Variants in FGGY observed in about 807,000 individuals in gnomAD.
The protein encoded by FGGY is FGGY carbohydrate kinase domain-containing protein.
FGGY carries 72 observed loss-of-function variants against 71.3 expected under a neutral mutation model. The ratio of observed to expected loss-of-function variants is 1.01; its 90% CI spans 0.84 to 1.23. The LOEUF (loss-of-function observed/expected upper bound fraction) is 1.23, where lower values mean the gene tolerates loss of function less well. Ranked by LOEUF, FGGY falls within the 50% of genes most tolerant of loss-of-function variation. The pLI, the probability that FGGY is intolerant of heterozygous loss-of-function variation, is 0.00. For missense variants in FGGY, 668 were observed against 682.3 expected (o/e 0.98, Z 0.23); for synonymous variants, 251 against 250.3 (o/e 1.00, Z -0.02).
At chr1:59,323,811 A>G (rs1242432219) in intron 2 of FGGY, among the ~76,000 whole-genome samples, 1 of 152,226 alleles carries the variant, frequency 6.6e-6, no homozygotes, top group Non-Finnish European at 1.5e-5. Context: ...AGAAATGTGT[A>G]TGGGTTGTTT....
At chr1:59,411,891 C>G (rs2063659286) in intron 5 of FGGY, among the ~76,000 whole-genome samples, 1 of 152,174 alleles carries the variant, frequency 6.6e-6, no homozygotes, top group Non-Finnish European at 1.5e-5. Context: ...TGCTCCAACC[C>G]TGAGAGAAGC....
At chr1:59,340,144 GA>G in intron 3 of FGGY, 75 bp downstream of exon 3, 1 of 947,066 alleles carries the variant, frequency 1.1e-6, no homozygotes, top group Non-Finnish European at 1.6e-6. Context: ...GGTGGAACAG[GA>G]GGGCAGGCGT....
chr1:59,459,161 C>A (rs1425084074), intron 6 of FGGY, among the ~76,000 whole-genome samples: 1 of 152,134 alleles, frequency 6.6e-6, no homozygotes, highest in Non-Finnish European at 1.5e-5. Flanking sequence ...AATGCTTTCC[C>A]TGAAAACTGA....
chr1:59,723,566 G>GT (rs2097914963), intron 14 of FGGY, among the ~76,000 whole-genome samples: 1 of 149,536 alleles, frequency 6.7e-6, no homozygotes, highest in Non-Finnish European at 1.5e-5. Context: ...TTTTTTTTGG[G>GT]GGGGGGTGGT....
Position 59,384,040 on chromosome 1 carries a change from G to A in FGGY, c.554+5203G>A, listed in dbSNP as rs555242232. ...GGGTTCACAAAGTGGAGGGCGTCTT[G>A]TTAACTTATCAGAACATGCTTGGGG... is the stretch of plus-strand genomic sequence containing the variant. On this transcript the variant is annotated intron_variant, in intron 5 of 15. Transcript: ENST00000303721. Among the ~76,000 whole-genome samples the A allele has an allele frequency of 9.2e-5, 14 of 152,258 alleles. No homozygotes were observed. The South Asian group carries it at 2.9e-3, about 32-fold the overall frequency.
chr1:59,378,962 C>A, intron 5 of FGGY, 125 bp downstream of exon 5: 1 of 718,196 alleles, frequency 1.4e-6, no homozygotes, highest in Non-Finnish European at 2.3e-6. Context: ...ATTTTGCATA[C>A]ATGAAACATC....
chr1:59,756,364 A>G (rs1432473052), intron 14 of FGGY, among the ~76,000 whole-genome samples: 1 of 152,222 alleles, frequency 6.6e-6, no homozygotes, highest in Non-Finnish European at 1.5e-5. Flanking sequence ...TGCACATGCT[A>G]TCCTTGTGGA....
At chr1:59,449,030 G>A (rs1029992045) in intron 5 of FGGY, among the ~76,000 whole-genome samples, 11 of 152,090 alleles carry the variant, frequency 7.2e-5, no homozygotes, top group African/African-American at 2.4e-4. Context: ...ATGAATCCTT[G>A]ATTTCATATA....
At chr1:59,597,662 T>A (rs1168530419) in intron 8 of FGGY, among the ~76,000 whole-genome samples, 1 of 152,190 alleles carries the variant, frequency 6.6e-6, no homozygotes, top group East Asian at 1.9e-4. Flanking sequence ...GTGCCACATT[T>A]AATCTTTACA....
intron 7 of FGGY, among the ~76,000 whole-genome samples, chr1:59,531,535 A>G (rs1203586242): frequency 6.6e-6 from 1 of 152,194 alleles, no homozygotes; most frequent in African/African-American, 2.4e-5. Context: ...AGAGAAGCCT[A>G]CAGAGCTGGG....
chr1:59,667,546 T>A, intron 13 of FGGY, 143 bp downstream of exon 13: 1 of 1,054,548 alleles, frequency 9.5e-7, no homozygotes, highest in Non-Finnish European at 1.4e-6. Context: ...ATATTCACAA[T>A]GGAGAAAGTG....
At chr1:59,622,206 T>C (rs1265306969) in intron 9 of FGGY, among the ~76,000 whole-genome samples, 1 of 152,116 alleles carries the variant, frequency 6.6e-6, no homozygotes, top group Non-Finnish European at 1.5e-5. Context: ...GTTTAATAAC[T>C]ATGAGAATAT....
At chr1:59,656,490 C>T (rs1174301610) in intron 11 of FGGY, among the ~76,000 whole-genome samples, 1 of 152,206 alleles carries the variant, frequency 6.6e-6, no homozygotes, top group East Asian at 1.9e-4. Context: ...GTTGACTGGG[C>T]TGAGGTCCCT....
chr1:59,663,158 C>CCT (rs2097293312), intron 12 of FGGY, among the ~76,000 whole-genome samples: 1 of 152,196 alleles, frequency 6.6e-6, no homozygotes, highest in Admixed American at 6.5e-5. Context: ...GGTAGCTTAA[C>CCT]ACTGTAACCC....
chr1:59,306,982 A>G (rs1212620333), intron 1 of FGGY, among the ~76,000 whole-genome samples: 1 of 152,130 alleles, frequency 6.6e-6, no homozygotes, highest in Non-Finnish European at 1.5e-5. Flanking sequence ...CTGACTGGAT[A>G]TTGCAAGATG....
chr1:59,559,887 A>T (rs538809651), intron 8 of FGGY, among the ~76,000 whole-genome samples: 1 of 152,192 alleles, frequency 6.6e-6, no homozygotes. Flanking sequence ...AAATAAATCA[A>T]TGAAAAGAAG....
At chr1:59,419,786 C>A (rs980889968) in intron 5 of FGGY, among the ~76,000 whole-genome samples, 1 of 152,058 alleles carries the variant, frequency 6.6e-6, no homozygotes, top group Non-Finnish European at 1.5e-5. Context: ...GATGAATTAT[C>A]CATGTGGGCT....
At chr1:59,577,776 G>A (rs1344705550) in intron 8 of FGGY, among the ~76,000 whole-genome samples, 3 of 152,086 alleles carry the variant, frequency 2.0e-5, no homozygotes, top group Non-Finnish European at 4.4e-5. Context: ...GAATTTCAGT[G>A]TCCAGAAATT....
chr1:59,600,864 G>A (rs2096570321), intron 8 of FGGY, among the ~76,000 whole-genome samples: 1 of 152,014 alleles, frequency 6.6e-6, no homozygotes, highest in Admixed American at 6.6e-5. Context: ...GATAAGATAT[G>A]GCTCCTCACT....
Sources: allele counts gnomAD v4.1 joint callset (sites outside exome capture counted in the v4.1 genomes callset), GRCh38; gene constraint gnomAD v4.1.1; transcripts MANE v1.5; gene names NCBI Gene and HGNC (gene_info 2026-07-23, HGNC 2026-07-21).